LAMA2: variants seen among roughly 807,000 people sequenced by gnomAD.
The protein encoded by LAMA2 is laminin subunit alpha 2, also known as laminin subunit alpha-2.
In LAMA2, 269 loss-of-function variants were observed where a neutral mutation model predicts 364.8. That is an observed-to-expected ratio of 0.74 (90% CI 0.67 to 0.82). The LOEUF (loss-of-function observed/expected upper bound fraction) is 0.82. LAMA2 is among the 40% of genes least tolerant of loss of function. LAMA2 has a pLI of 0.00. For synonymous variants in LAMA2, 1,379 were observed against 1,370.6 expected, an observed-to-expected ratio of 1.01 and a Z score of -0.14; for missense variants, 3,807 against 3,873.2, an observed-to-expected ratio of 0.98 and a Z score of 0.45.
chr6:128,997,665 C>G (rs1268906170), intron 1 of LAMA2, among the ~76,000 whole-genome samples: 1 of 152,022 alleles, frequency 6.6e-6, no homozygotes, highest in Non-Finnish European at 1.5e-5. Flanking sequence ...CATGGTGGCA[C>G]ATGCCTATAC....
At chr6:129,374,149 AT>A (rs1430120307) in intron 34 of LAMA2, among the ~76,000 whole-genome samples, 5 of 152,228 alleles carry the variant, frequency 3.3e-5, no homozygotes, top group African/African-American at 1.2e-4. Flanking sequence ...AACATGACCA[AT>A]TCTCTCTTTC....
Position 128,953,597 on chromosome 6 carries a change from TTGTGTG to T in LAMA2, c.112+70263_112+70268del, listed in dbSNP as rs113782463. 9.9e-3 allele frequency among the ~76,000 whole-genome samples: 1,202 copies of T among 121,868 alleles called. 18 individuals are homozygous for T. Among genetic ancestry groups the T allele is most frequent in the Middle Eastern group, 0.031 (7 of 224 alleles). The allele number at this position is 121,868 out of a possible 152,430, so 80.0% of individuals were successfully genotyped here. A position where few individuals can be genotyped will look rare whatever the true frequency, so the allele number is the denominator to read the frequency against. The stretch of plus-strand genomic sequence containing the variant: ...CATTTAAATGTTTGTGCCCATGGAC[TTGTGTG>T]TGTGTGTGTGTGTGTGTGTGTGAAT... On this transcript the variant is annotated intron_variant, in intron 1 of 64. Transcript: ENST00000421865.
At chr6:128,901,615 C>T (rs912365716) in intron 1 of LAMA2, among the ~76,000 whole-genome samples, 3 of 152,136 alleles carry the variant, frequency 2.0e-5, no homozygotes, top group African/African-American at 7.2e-5. Flanking sequence ...TAATTAAGAC[C>T]ATCAGATAGT....
chr6:129,245,926 C>G (rs1785720778), intron 12 of LAMA2, among the ~76,000 whole-genome samples: 1 of 152,132 alleles, frequency 6.6e-6, no homozygotes, highest in African/African-American at 2.4e-5. Flanking sequence ...CAGACATTCT[C>G]AGTTCAGAAT....
chr6:129,217,892 T>C (rs987324464), intron 12 of LAMA2, among the ~76,000 whole-genome samples: 1 of 152,256 alleles, frequency 6.6e-6, no homozygotes, highest in East Asian at 1.9e-4. Context: ...ATGGGTCTTG[T>C]GAAGTTTCAA....
intron 14 of LAMA2, among the ~76,000 whole-genome samples, chr6:129,253,138 G>T (rs1314141084): frequency 6.6e-6 from 1 of 152,058 alleles, no homozygotes; most frequent in Admixed American, 6.6e-5. Flanking sequence ...TTAAAACAAT[G>T]ACATTTTTAT....
At chr6:129,259,547 C>T (rs1486751896) in intron 14 of LAMA2, among the ~76,000 whole-genome samples, 1 of 151,990 alleles carries the variant, frequency 6.6e-6, no homozygotes, top group Non-Finnish European at 1.5e-5. Flanking sequence ...AATTTATTTT[C>T]ATGCACTAAA....
At chr6:129,445,987 T>A (rs1271623958) in intron 45 of LAMA2, among the ~76,000 whole-genome samples, 166 bp downstream of exon 45, 1 of 152,190 alleles carries the variant, frequency 6.6e-6, no homozygotes, top group African/African-American at 2.4e-5. Context: ...AGGTTAGTTT[T>A]GTTTTGTTTG....
intron 51 of LAMA2, among the ~76,000 whole-genome samples, chr6:129,472,349 C>T (rs190548341): frequency 3.3e-5 from 5 of 151,986 alleles, no homozygotes; most frequent in East Asian, 3.9e-4. Flanking sequence ...GATGTCAATA[C>T]GCATCAAGGA....
intron 3 of LAMA2, among the ~76,000 whole-genome samples, chr6:129,068,449 T>C (rs1773082872): frequency 1.3e-5 from 2 of 152,220 alleles, no homozygotes; most frequent in African/African-American, 4.8e-5. Flanking sequence ...TCCTGGTTCA[T>C]AGATGGCCTT....
chr6:128,899,002 T>G (rs551526620), intron 1 of LAMA2, among the ~76,000 whole-genome samples: 1 of 152,290 alleles, frequency 6.6e-6, no homozygotes, highest in African/African-American at 2.4e-5. Flanking sequence ...AGAGGACCAC[T>G]TTAAATTAGC....
intron 30 of LAMA2, among the ~76,000 whole-genome samples, chr6:129,345,984 C>G (rs1425481856): frequency 6.6e-6 from 1 of 152,162 alleles, no homozygotes; most frequent in Non-Finnish European, 1.5e-5. Context: ...GCTGAGATAT[C>G]TCAATTTATG....
At chr6:129,161,417 A>T (rs916483417) in intron 8 of LAMA2, among the ~76,000 whole-genome samples, 2 of 152,120 alleles carry the variant, frequency 1.3e-5, no homozygotes, top group Non-Finnish European at 2.9e-5. Context: ...GTGTCACAAA[A>T]TTTTTGTTCC....
At chr6:128,929,344 TG>T in intron 1 of LAMA2, 1 of 1,121,502 alleles carries the variant, frequency 8.9e-7, no homozygotes. Flanking sequence ...GCCCAAAGAC[TG>T]GGGTGAGACC....
At chr6:128,905,001 T>C (rs986038491) in intron 1 of LAMA2, among the ~76,000 whole-genome samples, 1 of 152,218 alleles carries the variant, frequency 6.6e-6, no homozygotes, top group Non-Finnish European at 1.5e-5. Context: ...AATTAATATG[T>C]TAAATGAAAT....
At position 129,143,332 on chromosome 6, in the gene LAMA2, A is replaced by T. The variant is rs1301963049; in HGVS notation, c.640-569A>T. ...TGACCTATTAATTACTAAAAAAAAAAATACAGATAACGACAACCTAAAACA... is the reference window on the plus strand; with the variant it reads ...TGACCTATTAATTACTAAAAAAAAATATACAGATAACGACAACCTAAAACA... On this transcript the variant is annotated intron_variant, in intron 4 of 64. Coordinates refer to ENST00000421865, the MANE Select transcript of LAMA2 (RefSeq NM_000426.4). 2.0e-5 allele frequency among the ~76,000 whole-genome samples: 3 copies of T among 152,012 alleles called. No individual in the cohort carries two copies. In the East Asian group the frequency reaches 5.8e-4, roughly 29 times the overall value.
At chr6:128,895,978 C>T (rs1326079842) in intron 1 of LAMA2, among the ~76,000 whole-genome samples, 2 of 152,018 alleles carry the variant, frequency 1.3e-5, no homozygotes, top group Non-Finnish European at 2.9e-5. Flanking sequence ...GTTTCTTTTT[C>T]TTATTTGTTG....
At chr6:128,916,109 A>G (rs1308845099) in intron 1 of LAMA2, among the ~76,000 whole-genome samples, 1 of 152,064 alleles carries the variant, frequency 6.6e-6, no homozygotes, top group Non-Finnish European at 1.5e-5. Context: ...CTGCTAGTTC[A>G]TCTCCGCCCA....
chr6:129,295,696 T>G (rs1295822187), intron 20 of LAMA2, among the ~76,000 whole-genome samples: 1 of 152,022 alleles, frequency 6.6e-6, no homozygotes, highest in Non-Finnish European at 1.5e-5. Flanking sequence ...TCATTTGATA[T>G]TTGATTGATT....
Sources: allele counts gnomAD v4.1 joint callset (sites outside exome capture counted in the v4.1 genomes callset), GRCh38; gene constraint gnomAD v4.1.1; transcripts MANE v1.5; gene names NCBI Gene and HGNC (gene_info 2026-07-23, HGNC 2026-07-21).